MAP7: variants seen among roughly 807,000 people sequenced by gnomAD.
MAP7 encodes microtubule associated protein 7.
Under a neutral mutation model 94.8 loss-of-function variants are expected in MAP7, and 52 were observed. The ratio of observed to expected loss-of-function variants is 0.55; its 90% CI spans 0.44 to 0.69. The LOEUF (loss-of-function observed/expected upper bound fraction) is 0.69, where lower values mean the gene tolerates loss of function less well. MAP7 is among the 30% of genes least tolerant of loss of function. MAP7 has a pLI of 0.00. For synonymous variants in MAP7, 350 were observed against 357.0 expected (o/e 0.98, Z 0.22); for missense variants, 940 against 964.6 (o/e 0.97, Z 0.34).
At chr6:136,481,316 C>A (rs1812782736) in intron 1 of MAP7, among the ~76,000 whole-genome samples, 1 of 152,138 alleles carries the variant, frequency 6.6e-6, no homozygotes, top group African/African-American at 2.4e-5. Flanking sequence ...GAGATATCTG[C>A]ACTATTATAT....
chr6:136,393,468 T>C (rs998681376), intron 3 of MAP7, among the ~76,000 whole-genome samples: 2 of 152,146 alleles, frequency 1.3e-5, no homozygotes, highest in African/African-American at 4.8e-5. Context: ...CCCGGTAACT[T>C]GATTTTGGAT....
chr6:136,450,061 T>C (rs1204481455), intron 1 of MAP7, among the ~76,000 whole-genome samples: 2 of 152,236 alleles, frequency 1.3e-5, no homozygotes, highest in African/African-American at 4.8e-5. Context: ...TGGAGGTGCA[T>C]GCCTGTAATC....
chr6:136,431,564 C>CTGGAG (rs1163503645), intron 1 of MAP7, among the ~76,000 whole-genome samples: 4 of 151,976 alleles, frequency 2.6e-5, no homozygotes, highest in Non-Finnish European at 5.9e-5. Context: ...GTCACCCAGG[C>CTGGAG]TGGAGTGCAG....
chr6:136,484,010 T>C (rs922155579), intron 1 of MAP7, among the ~76,000 whole-genome samples: 2 of 152,220 alleles, frequency 1.3e-5, no homozygotes, highest in Non-Finnish European at 2.9e-5. Context: ...CAAAGGGTGA[T>C]AGAATCTCTC....
intron 3 of MAP7, among the ~76,000 whole-genome samples, chr6:136,397,550 T>A (rs1782855833): frequency 8.5e-6 from 1 of 117,990 alleles, no homozygotes; most frequent in East Asian, 2.6e-4. Context: ...ACCCCCAAGG[T>A]AAATACATTT....
intron 1 of MAP7, among the ~76,000 whole-genome samples, chr6:136,538,798 C>CAAAAAAAAA (rs397836178): frequency 1.5e-5 from 1 of 65,900 alleles, no homozygotes. Context: ...GATTTTGTCT[C>CAAAAAAAAA]AAAAAAAAAA....
chr6:136,549,448 G>A (rs978315747), intron 1 of MAP7, among the ~76,000 whole-genome samples: 2 of 152,118 alleles, frequency 1.3e-5, no homozygotes, highest in Non-Finnish European at 2.9e-5. Context: ...AAATCACGAG[G>A]GAGAAAAATC....
intron 1 of MAP7, among the ~76,000 whole-genome samples, chr6:136,448,607 G>T (rs1420932061): frequency 2.0e-5 from 3 of 151,880 alleles, no homozygotes; most frequent in Admixed American, 2.0e-4. Flanking sequence ...TAGAGACAGG[G>T]TTTCACCATG....
intron 1 of MAP7, among the ~76,000 whole-genome samples, chr6:136,497,860 G>C (rs1208138280): frequency 6.7e-6 from 1 of 149,508 alleles, no homozygotes; most frequent in Non-Finnish European, 1.5e-5. Context: ...ATGAATGACT[G>C]TTTTTCCCTA....
chr6:136,362,406 A>G (rs1349187604), intron 11 of MAP7, 44 bp downstream of exon 11: 1 of 1,601,088 alleles, frequency 6.2e-7, no homozygotes, highest in Non-Finnish European at 8.5e-7. Context: ...AGTTAATCCA[A>G]AGTATCACTG....
At position 136,359,767 on chromosome 6, in the gene MAP7, G is replaced by A. The variant is rs913355672; in HGVS notation, c.1912+53C>T. 1.7e-5 allele frequency: 25 copies of A among 1,512,006 alleles called. No homozygotes were observed. The African/African-American group carries it at 3.5e-4, about 21-fold the overall frequency. The allele number at this position is 1,512,006 out of a possible 1,614,324, so 93.7% of individuals were successfully genotyped here. ...TCCTGAATATCTTCACCCCTGGAGA[G>A]TCAATTTAAACATTTTATATATAAA... On this transcript the variant is annotated intron_variant, in intron 15 of 17. Transcript: ENST00000354570.
chr6:136,447,846 A>G (rs1799815093), intron 1 of MAP7, among the ~76,000 whole-genome samples: 2 of 152,216 alleles, frequency 1.3e-5, no homozygotes, highest in Non-Finnish European at 2.9e-5. Flanking sequence ...CCAAAAAGCA[A>G]GCATAATCAA....
chr6:136,540,266 T>C (rs3799469), intron 1 of MAP7, among the ~76,000 whole-genome samples: 3,084 of 152,094 alleles, frequency 0.02, 113 homozygotes, highest in East Asian at 0.14. Flanking sequence ...CAAGGTCCAG[T>C]CTCCAGAGCC....
chr6:136,377,833 C>T lies in MAP7; in HGVS notation c.673G>A (p.Val225Ile), dbSNP rs750272702. The T allele has an allele frequency of 1.1e-5, 17 of 1,613,904 alleles. No homozygotes were observed. The Admixed American group carries it at 1.7e-4, about 16-fold the overall frequency. ...RLQLSPWESS[V>I]VNRLLTPTHS... ...GTGGGCGTCAGGAGTCTGTTAACAA[C>T]GCTGCTCTCCCATGGGCTGAGCTGC... The change falls in exon 7 of 18, where the codon GTT becomes ATT. Residue 225 changes from valine (V) to isoleucine (I), a missense_variant. Physicochemically the swap from Val to Ile is conservative, Grantham distance 29. Transcript: ENST00000354570.
intron 10 of MAP7, chr6:136,364,225 C>T (rs1793643047): frequency 9.2e-6 from 5 of 540,824 alleles, no homozygotes; most frequent in South Asian, 7.0e-5. Context: ...AAGATCAATG[C>T]CCTCATTAAA....
intron 1 of MAP7, among the ~76,000 whole-genome samples, chr6:136,489,885 T>A (rs1382396639): frequency 2.0e-5 from 3 of 152,170 alleles, no homozygotes; most frequent in Non-Finnish European, 4.4e-5. Context: ...CAAATCCCCA[T>A]GGCAGTCTCC....
chr6:136,440,708 T>A (rs1582918490), intron 1 of MAP7, among the ~76,000 whole-genome samples: 1 of 151,986 alleles, frequency 6.6e-6, no homozygotes, highest in African/African-American at 2.4e-5. Flanking sequence ...AGAATTAAGA[T>A]CTAAGAATTA....
chr6:136,529,265 C>A lies in MAP7; in HGVS notation c.67+21077G>T, dbSNP rs1285049971. Among the ~76,000 whole-genome samples the A allele has an allele frequency of 2.1e-5, 3 of 142,244 alleles. No individual in the cohort carries two copies. The East Asian group carries it at 6.1e-4, about 29-fold the overall frequency. 93.3% of individuals were successfully genotyped at this position (142,244 alleles called of 152,430 possible). ...GAGTAACTGGGATTACAGGCATCTG[C>A]CACCACACCCAGCTAATTTTTTTTT... On this transcript the variant is annotated intron_variant, in intron 1 of 17. Transcript: ENST00000354570.
chr6:136,486,823 A>G (rs1419820612), intron 1 of MAP7, among the ~76,000 whole-genome samples: 1 of 152,254 alleles, frequency 6.6e-6, no homozygotes, highest in African/African-American at 2.4e-5. Context: ...TGAAATCATC[A>G]TTCTCAAAAC....
Sources: allele counts gnomAD v4.1 joint callset (sites outside exome capture counted in the v4.1 genomes callset), GRCh38; gene constraint gnomAD v4.1.1; transcripts MANE v1.5; gene names NCBI Gene and HGNC (gene_info 2026-07-23, HGNC 2026-07-21).